ARHGAP24: variants seen among roughly 807,000 people sequenced by gnomAD.
ARHGAP24 encodes the protein Rho GTPase activating protein 24, also known as rho GTPase-activating protein 24.
Under a neutral mutation model 76.4 loss-of-function variants are expected in ARHGAP24, and 50 were observed. That is an observed-to-expected ratio of 0.65 (90% CI 0.52 to 0.83). ARHGAP24 has a LOEUF of 0.83. Ranked by LOEUF, ARHGAP24 falls within the 40% of genes least tolerant of loss-of-function variation. The pLI is 0.00. For missense variants in ARHGAP24, 930 were observed against 914.2 expected, an observed-to-expected ratio of 1.02 and a Z score of -0.22; for synonymous variants, 345 against 323.3, an observed-to-expected ratio of 1.07 and a Z score of -0.72.
chr4:85,861,902 A>C (rs1449400178), intron 3 of ARHGAP24, among the ~76,000 whole-genome samples: 2 of 152,142 alleles, frequency 1.3e-5, no homozygotes, highest in Non-Finnish European at 2.9e-5. Flanking sequence ...CCACATCTTT[A>C]CTCAGTTGCC....
At chr4:85,985,271 G>A (rs1188989521) in intron 8 of ARHGAP24, among the ~76,000 whole-genome samples, 1 of 152,132 alleles carries the variant, frequency 6.6e-6, no homozygotes, top group African/African-American at 2.4e-5. Context: ...AGAAAACATG[G>A]TACATGTACA....
intron 4 of ARHGAP24, among the ~76,000 whole-genome samples, chr4:85,930,024 C>G (rs1736237099): frequency 6.6e-6 from 1 of 152,210 alleles, no homozygotes; most frequent in African/African-American, 2.4e-5. Flanking sequence ...GTGGCATTCT[C>G]CCTCCTCCCC....
chr4:85,576,295 T>C (rs1342178129), intron 2 of ARHGAP24, among the ~76,000 whole-genome samples: 1 of 152,108 alleles, frequency 6.6e-6, no homozygotes, highest in Admixed American at 6.5e-5. Flanking sequence ...CCGGGCATGG[T>C]GGCGGGCGCC....
At chr4:85,705,898 G>T (rs965174517) in intron 2 of ARHGAP24, among the ~76,000 whole-genome samples, 5 of 151,150 alleles carry the variant, frequency 3.3e-5, no homozygotes, top group Admixed American at 6.6e-5. Context: ...GAGGGGTCTG[G>T]AGGTTAATTT....
intron 3 of ARHGAP24, among the ~76,000 whole-genome samples, chr4:85,867,594 G>T (rs345341): frequency 0.95 from 144,641 of 151,842 alleles, 69,346 homozygotes; most frequent in East Asian, 1. Flanking sequence ...GCTTCATAAA[G>T]TAGTCAATGA....
intron 3 of ARHGAP24, among the ~76,000 whole-genome samples, chr4:85,801,376 G>T (rs1458470253): frequency 6.6e-6 from 1 of 152,136 alleles, no homozygotes; most frequent in Non-Finnish European, 1.5e-5. Context: ...AAAAGCCTGG[G>T]AAAAGTTATC....
At chr4:85,827,535 T>C (rs1440982816) in intron 3 of ARHGAP24, among the ~76,000 whole-genome samples, 1 of 130,294 alleles carries the variant, frequency 7.7e-6, no homozygotes, top group African/African-American at 2.8e-5. Flanking sequence ...GAGAGAGAGA[T>C]TATTGCTTAA....
chr4:85,570,398 CTT>C (rs1373106562), intron 1 of ARHGAP24, 122 bp from the exon 2 acceptor site: 3 of 156,862 alleles, frequency 1.9e-5, no homozygotes, highest in South Asian at 3.7e-4. Flanking sequence ...TTCTTTCTTT[CTT>C]TCTTTCTTTC....
chr4:85,788,080 C>G (rs1488093784), intron 3 of ARHGAP24, among the ~76,000 whole-genome samples: 1 of 152,074 alleles, frequency 6.6e-6, no homozygotes, highest in East Asian at 1.9e-4. Context: ...CCAAACGTAG[C>G]CACAGGGTCT....
At chr4:85,720,767 A>G (rs1468157731) in intron 2 of ARHGAP24, among the ~76,000 whole-genome samples, 1 of 152,198 alleles carries the variant, frequency 6.6e-6, no homozygotes, top group Non-Finnish European at 1.5e-5. Flanking sequence ...CATTCAGACA[A>G]CAGAGAAATT....
intron 2 of ARHGAP24, among the ~76,000 whole-genome samples, chr4:85,635,690 T>G (rs984267457): frequency 3.9e-5 from 6 of 151,980 alleles, no homozygotes; most frequent in African/African-American, 1.4e-4. Flanking sequence ...CAAAGGATTT[T>G]AATTTTGCTT....
chr4:85,875,507 A>C (rs1321104778), intron 3 of ARHGAP24, among the ~76,000 whole-genome samples: 4 of 94,026 alleles, frequency 4.3e-5, no homozygotes, highest in African/African-American at 1.3e-4. Flanking sequence ...TATAATATAT[A>C]TTATAATATT....
chr4:85,938,998 C>A (rs926283484), intron 4 of ARHGAP24, among the ~76,000 whole-genome samples: 3 of 152,116 alleles, frequency 2.0e-5, no homozygotes, highest in African/African-American at 7.2e-5. Flanking sequence ...CTGTAATAGC[C>A]ACTGAGTGGC....
rs775533855 is a variant in ARHGAP24, at chr4:85,731,017, CACACACACACAG to C, written c.268+9047_268+9058del. On this transcript the variant is annotated intron_variant, in intron 3 of 9. Transcript: ENST00000395184. ...ACACACACACACACACACACACACA[CACACACACACAG>C]AGAGAGAGACTGGGCATGTGTGTGT... 2.9e-3 allele frequency among the ~76,000 whole-genome samples: 390 copies of C among 133,374 alleles called. 8 individuals are homozygous for C. In the South Asian group the frequency reaches 0.063, roughly 22 times the overall value. The allele number at this position is 133,374 out of a possible 152,430, so 87.5% of individuals were successfully genotyped here. A position where few individuals can be genotyped will look rare whatever the true frequency, so the allele number is the denominator to read the frequency against.
intron 2 of ARHGAP24, among the ~76,000 whole-genome samples, chr4:85,616,133 G>A (rs1047587988): frequency 7.2e-5 from 11 of 152,082 alleles, no homozygotes; most frequent in Admixed American, 7.2e-4. Context: ...TGCCTTTTCC[G>A]CATCATTGGT....
At chr4:85,500,415 T>C (rs182374699) in intron 1 of ARHGAP24, among the ~76,000 whole-genome samples, 3 of 152,310 alleles carry the variant, frequency 2.0e-5, no homozygotes, top group Admixed American at 6.5e-5. Flanking sequence ...ATTTGAAAAC[T>C]TTATTACTGA....
At chr4:85,763,130 G>A (rs1035957338) in intron 3 of ARHGAP24, among the ~76,000 whole-genome samples, 1 of 152,134 alleles carries the variant, frequency 6.6e-6, no homozygotes, top group Admixed American at 6.5e-5. Context: ...GTTGCAGGAA[G>A]CTACTATTCG....
chr4:85,768,669 T>G (rs1727020751), intron 3 of ARHGAP24, among the ~76,000 whole-genome samples: 1 of 152,044 alleles, frequency 6.6e-6, no homozygotes, highest in Non-Finnish European at 1.5e-5. Context: ...CCCAGCTACT[T>G]AAGAGGCTGA....
chr4:85,513,468 C>G (rs1292680097), intron 1 of ARHGAP24, among the ~76,000 whole-genome samples: 1 of 152,026 alleles, frequency 6.6e-6, no homozygotes, highest in East Asian at 1.9e-4. Context: ...AATGGGACAT[C>G]TAGGAAGAAA....
Sources: gnomAD v4.1 joint callset for allele counts (sites outside exome capture counted in the v4.1 genomes callset) on GRCh38, gnomAD v4.1.1 for gene constraint, MANE v1.5 for transcripts, NCBI Gene and HGNC (gene_info 2026-07-23, HGNC 2026-07-21) for gene names.